Variants in TAFA2 observed in about 807,000 individuals in gnomAD.
TAFA2 encodes the protein chemokine-like protein TAFA-2.
In TAFA2, 7 loss-of-function variants were observed where a neutral mutation model predicts 18.8. The observed-to-expected ratio is 0.37, with a 90% CI of 0.21 to 0.70. The LOEUF (loss-of-function observed/expected upper bound fraction) is 0.70, where lower values mean the gene tolerates loss of function less well. TAFA2 is among the 30% of genes least tolerant of loss of function. The pLI, the probability that TAFA2 is intolerant of heterozygous loss-of-function variation, is 0.53. For missense variants in TAFA2, 122 were observed against 158.1 expected, an observed-to-expected ratio of 0.77 and a Z score of 1.23; for synonymous variants, 60 against 54.2, an observed-to-expected ratio of 1.11 and a Z score of -0.47.
chr12:62,227,509 G>A (rs2062792288), intron 1 of TAFA2, among the ~76,000 whole-genome samples: 1 of 152,160 alleles, frequency 6.6e-6, no homozygotes, highest in Non-Finnish European at 1.5e-5. Context: ...AGTTTCTCAT[G>A]CATTCTGGTT....
intron 1 of TAFA2, among the ~76,000 whole-genome samples, chr12:62,080,550 C>T (rs1868303141): frequency 6.6e-6 from 1 of 151,850 alleles, no homozygotes; most frequent in Non-Finnish European, 1.5e-5. Context: ...GAATCATAGA[C>T]ATGGGAATGA....
chr12:61,713,445 A>G (rs868462475), intron 4 of TAFA2, among the ~76,000 whole-genome samples: 7 of 152,144 alleles, frequency 4.6e-5, no homozygotes, highest in Non-Finnish European at 1.0e-4. Context: ...AACAATACTA[A>G]CAGACATTCA....
At chr12:61,945,432 C>A (rs1350267533) in intron 1 of TAFA2, among the ~76,000 whole-genome samples, 3 of 99,772 alleles carry the variant, frequency 3.0e-5, no homozygotes, top group East Asian at 5.2e-4. Context: ...TCCTATTCAA[C>A]ATAGTGTTGG....
At chr12:61,809,100 G>C (rs1467601321) in intron 2 of TAFA2, among the ~76,000 whole-genome samples, 1 of 151,546 alleles carries the variant, frequency 6.6e-6, no homozygotes, top group Admixed American at 6.6e-5. Context: ...TTGAAAGTGT[G>C]TGTGCGTGCA....
At chr12:61,808,347 C>G (rs796107837) in intron 2 of TAFA2, among the ~76,000 whole-genome samples, 15 of 151,626 alleles carry the variant, frequency 9.9e-5, no homozygotes, top group African/African-American at 3.2e-4. Context: ...GTCAATAAAC[C>G]TCTTTTCTGT....
chr12:61,963,983 C>T (rs966774788), intron 1 of TAFA2, among the ~76,000 whole-genome samples: 2 of 151,900 alleles, frequency 1.3e-5, no homozygotes, highest in Non-Finnish European at 2.9e-5. Flanking sequence ...ATGAGGATTC[C>T]CTATTTAATA....
intron 1 of TAFA2, among the ~76,000 whole-genome samples, chr12:61,955,505 G>A (rs572986159): frequency 7.9e-4 from 114 of 144,336 alleles, no homozygotes; most frequent in African/African-American, 2.8e-3. Context: ...AGGAGGCTAA[G>A]ACAGGAAAAT....
chr12:62,252,631 G>C (rs1565788900), intron 1 of TAFA2: 2 of 152,134 alleles, frequency 1.3e-5, no homozygotes. Flanking sequence ...GATTCAGAGG[G>C]TATACTGCAT....
In TAFA2 at chr12:61,755,116, T is replaced by C. The variant is rs1035432251; in HGVS notation, c.107-92A>G. 8 of 1,175,932 alleles carry C rather than the reference T, an allele frequency of 6.8e-6. No individual in the cohort carries two copies. The South Asian group carries it at 1.0e-4, about 15-fold the overall frequency. The allele number at this position is 1,175,932 out of a possible 1,614,324, so 72.8% of individuals were successfully genotyped here. ...TAATTAGCAGTACATTAAATATAGC[T>C]CTATAAGGGGTCCACCAGGCATGAA... On this transcript the variant is annotated intron_variant, in intron 2 of 4. Transcript: ENST00000416284.
At chr12:62,105,390 T>C (rs540080734) in intron 1 of TAFA2, among the ~76,000 whole-genome samples, 1 of 152,332 alleles carries the variant, frequency 6.6e-6, no homozygotes, top group African/African-American at 2.4e-5. Flanking sequence ...GGGATGATGA[T>C]TTCATTTTTA....
At chr12:61,845,861 T>C (rs1008386523) in intron 2 of TAFA2, among the ~76,000 whole-genome samples, 12 of 152,140 alleles carry the variant, frequency 7.9e-5, no homozygotes, top group African/African-American at 2.9e-4. Flanking sequence ...AAACATACCA[T>C]ATGGAAGGAG....
intron 2 of TAFA2, among the ~76,000 whole-genome samples, chr12:61,758,096 G>C (rs1390897682): frequency 6.6e-6 from 1 of 151,996 alleles, no homozygotes; most frequent in East Asian, 1.9e-4. Flanking sequence ...GTAAGTGTTA[G>C]CTATTTCTAT....
chr12:62,226,638 A>C (rs1437795817), intron 1 of TAFA2, among the ~76,000 whole-genome samples: 3 of 152,174 alleles, frequency 2.0e-5, no homozygotes, highest in Non-Finnish European at 2.9e-5. Context: ...CAAACCCTGA[A>C]TATCTAAGAG....
chr12:62,171,700 C>T (rs888863968), intron 1 of TAFA2, among the ~76,000 whole-genome samples: 7 of 152,140 alleles, frequency 4.6e-5, no homozygotes, highest in Non-Finnish European at 8.8e-5. Context: ...AACTTCCCAG[C>T]GTCCATAGCT....
At chr12:62,064,837 T>C (rs1302482059) in intron 1 of TAFA2, among the ~76,000 whole-genome samples, 1 of 152,004 alleles carries the variant, frequency 6.6e-6, no homozygotes, top group East Asian at 1.9e-4. Flanking sequence ...CATATAATCC[T>C]CAGAACTTCC....
upstream of TAFA2, among the ~76,000 whole-genome samples, chr12:62,195,558 T>G (rs2062645512): frequency 6.6e-6 from 1 of 152,230 alleles, no homozygotes; most frequent in Non-Finnish European, 1.5e-5. Flanking sequence ...TTAGCAGGCA[T>G]GAAAACAACA....
At chr12:61,718,954 G>A (rs1209060971) in intron 4 of TAFA2, among the ~76,000 whole-genome samples, 3 of 152,280 alleles carry the variant, frequency 2.0e-5, no homozygotes, top group African/African-American at 7.2e-5. Flanking sequence ...CCTTTTCGCA[G>A]CCTAGAGAGC....
chr12:61,981,639 G>A (rs1879639977), intron 1 of TAFA2, among the ~76,000 whole-genome samples: 1 of 152,154 alleles, frequency 6.6e-6, no homozygotes, highest in Non-Finnish European at 1.5e-5. Context: ...CCATCAAACA[G>A]TGGGCAAAGG....
At chr12:62,132,312 A>T (rs1870722395) in intron 1 of TAFA2, among the ~76,000 whole-genome samples, 1 of 151,048 alleles carries the variant, frequency 6.6e-6, no homozygotes, top group Non-Finnish European at 1.5e-5. Flanking sequence ...AAAAAAAAAA[A>T]TGAGTTTCCA....
Sources: gnomAD v4.1 joint callset for allele counts (sites outside exome capture counted in the v4.1 genomes callset) on GRCh38, gnomAD v4.1.1 for gene constraint, MANE v1.5 for transcripts, NCBI Gene and HGNC (gene_info 2026-07-23, HGNC 2026-07-21) for gene names.